Variants in FILIP1L observed in about 807,000 individuals in gnomAD.
FILIP1L encodes filamin A-interacting protein 1-like.
Under a neutral mutation model 96.6 loss-of-function variants are expected in FILIP1L, and 55 were observed. That is an observed-to-expected ratio of 0.57 (90% CI 0.46 to 0.71). The LOEUF (loss-of-function observed/expected upper bound fraction) is 0.71, where lower values mean the gene tolerates loss of function less well. Among genes scored for constraint, FILIP1L ranks in the 30% least tolerant of loss-of-function variants. The probability of loss-of-function intolerance (pLI) is 0.00; values close to 1 mark genes in which losing one functional copy is unlikely to be tolerated. For missense variants in FILIP1L, 1,304 were observed against 1,321.2 expected, an observed-to-expected ratio of 0.99 and a Z score of 0.20; for synonymous variants, 467 against 473.9, an observed-to-expected ratio of 0.99 and a Z score of 0.19.
chr3:99,851,210 G>A (rs1183219142), intron 4 of FILIP1L, 140 bp from the exon 5 acceptor site: 3 of 626,558 alleles, frequency 4.8e-6, no homozygotes, highest in Non-Finnish European at 7.4e-6. Flanking sequence ...AAGAGTTCCT[G>A]AATTTGATGA....
intron 1 of FILIP1L, among the ~76,000 whole-genome samples, chr3:99,963,418 T>C (rs1221554237): frequency 3.3e-5 from 5 of 152,090 alleles, no homozygotes; most frequent in Non-Finnish European, 4.4e-5. Context: ...TGGGCTGTTA[T>C]ATAAGGATAT....
At chr3:100,101,966 C>G (rs915529244) in intron 1 of FILIP1L, among the ~76,000 whole-genome samples, 4 of 152,118 alleles carry the variant, frequency 2.6e-5, no homozygotes, top group African/African-American at 9.7e-5. Flanking sequence ...TTTTTTATGG[C>G]TGCATAGTAT....
rs900334406 is a variant in FILIP1L, at chr3:100,018,091, G to T, written c.-10-87061C>A. The stretch of plus-strand genomic sequence containing the variant: ...CGCCTGTAATCTCAGCACTTTGGGA[G>T]GCCGAGGCGGGCAGATCACCAGGTC... On this transcript the variant is annotated intron_variant, in intron 1 of 5. Coordinates refer to ENST00000477258, the MANE Select transcript of FILIP1L (RefSeq NM_001387850.1). Among the ~76,000 whole-genome samples, 6 of 152,288 alleles carry T rather than the reference G, an allele frequency of 3.9e-5. No individual in the cohort carries two copies. The East Asian group carries it at 1.2e-3, about 29-fold the overall frequency.
intron 5 of FILIP1L, among the ~76,000 whole-genome samples, chr3:99,833,431 G>T (rs1386888438): frequency 6.6e-6 from 1 of 152,186 alleles, no homozygotes; most frequent in Non-Finnish European, 1.5e-5. Flanking sequence ...AAGAAGTATG[G>T]AAAGGTGAAG....
At chr3:100,011,037 G>A (rs79429191) in intron 1 of FILIP1L, among the ~76,000 whole-genome samples, 11 of 152,192 alleles carry the variant, frequency 7.2e-5, no homozygotes, top group African/African-American at 2.4e-4. Context: ...TACAAACCCA[G>A]GATTCTGTGG....
At chr3:99,970,573 T>G (rs1708783266) in intron 1 of FILIP1L, among the ~76,000 whole-genome samples, 1 of 152,246 alleles carries the variant, frequency 6.6e-6, no homozygotes, top group African/African-American at 2.4e-5. Context: ...TATCCCTGCT[T>G]TCCTTGTAGT....
intron 1 of FILIP1L, among the ~76,000 whole-genome samples, chr3:99,953,675 A>T (rs1399184206): frequency 6.6e-6 from 1 of 152,186 alleles, no homozygotes; most frequent in East Asian, 1.9e-4. Flanking sequence ...TATATTTGAA[A>T]CACTGATTAC....
chr3:99,953,105 G>A (rs1246377445), intron 1 of FILIP1L, among the ~76,000 whole-genome samples: 1 of 152,132 alleles, frequency 6.6e-6, no homozygotes, highest in Non-Finnish European at 1.5e-5. Flanking sequence ...TTCATACTTA[G>A]CTGCATACTT....
intron 1 of FILIP1L, among the ~76,000 whole-genome samples, chr3:99,966,747 T>C (rs979892734): frequency 1.3e-5 from 2 of 152,196 alleles, no homozygotes; most frequent in Non-Finnish European, 2.9e-5. Flanking sequence ...GAAAAATCAT[T>C]TGGTGAGCAG....
chr3:99,982,142 T>C (rs1194084003), intron 1 of FILIP1L, among the ~76,000 whole-genome samples: 1 of 152,198 alleles, frequency 6.6e-6, no homozygotes, highest in Non-Finnish European at 1.5e-5. Flanking sequence ...ACTAAAACAA[T>C]ATAAGTGCTA....
At chr3:99,859,672 G>A (rs573108295) in intron 4 of FILIP1L, among the ~76,000 whole-genome samples, 2 of 152,052 alleles carry the variant, frequency 1.3e-5, no homozygotes, top group African/African-American at 4.8e-5. Flanking sequence ...ACTGTGTTGC[G>A]TTGATAGTAG....
chr3:99,971,737 C>T (rs1022144606), intron 1 of FILIP1L, among the ~76,000 whole-genome samples: 1 of 152,154 alleles, frequency 6.6e-6, no homozygotes, highest in Non-Finnish European at 1.5e-5. Flanking sequence ...AGGATACACA[C>T]GGAACCTCAA....
chr3:99,938,098 C>T (rs950339116), intron 1 of FILIP1L, among the ~76,000 whole-genome samples: 4 of 152,106 alleles, frequency 2.6e-5, no homozygotes, highest in African/African-American at 9.7e-5. Flanking sequence ...CGCGTGCATG[C>T]ACACTCGTGC....
At chr3:99,859,783 A>G (rs1046890188) in intron 4 of FILIP1L, among the ~76,000 whole-genome samples, 2 of 150,436 alleles carry the variant, frequency 1.3e-5, no homozygotes, top group African/African-American at 4.9e-5. Flanking sequence ...TTTTGGTATC[A>G]GGCCTATAAT....
intron 1 of FILIP1L, among the ~76,000 whole-genome samples, chr3:99,947,603 G>A (rs946601934): frequency 6.6e-5 from 10 of 152,156 alleles, no homozygotes; most frequent in South Asian, 4.1e-4. Flanking sequence ...ATATCTGTTC[G>A]TTGTTTTAAA....
intron 4 of FILIP1L, among the ~76,000 whole-genome samples, chr3:99,923,561 C>G (rs1037711910): frequency 1.3e-5 from 2 of 152,176 alleles, no homozygotes; most frequent in African/African-American, 4.8e-5. Flanking sequence ...ATAAGTAGTT[C>G]ATGCGCACAC....
rs925775114 is a variant in FILIP1L at position 99,967,916 on chromosome 3, A to G, written c.-10-36886T>C. On this transcript the variant is annotated intron_variant, in intron 1 of 5. Coordinates refer to ENST00000477258, the MANE Select transcript of FILIP1L (RefSeq NM_001387850.1). ...GAGAAGGAGTAGGATTTACAAATAG[A>G]TAAGTGCAACGGTATGTGGGAGTGT... 7.9e-5 allele frequency among the ~76,000 whole-genome samples: 12 copies of G among 152,346 alleles called. 1 individual carries two copies. Among genetic ancestry groups the G allele is most frequent in the Non-Finnish European group, 8.8e-5 (6 of 68,040 alleles).
chr3:99,932,628 A>C (rs1166726761), intron 1 of FILIP1L, among the ~76,000 whole-genome samples: 2 of 152,164 alleles, frequency 1.3e-5, no homozygotes, highest in Non-Finnish European at 2.9e-5. Context: ...AATGGCTCAC[A>C]CCTGTAATGC....
chr3:100,113,248 G>A (rs1334950405), intron 1 of FILIP1L, among the ~76,000 whole-genome samples: 2 of 152,180 alleles, frequency 1.3e-5, no homozygotes, highest in African/African-American at 4.8e-5. Context: ...ATACAAAACT[G>A]TGCAGCCACC....
Sources: gnomAD v4.1 joint callset for allele counts (sites outside exome capture counted in the v4.1 genomes callset) on GRCh38, gnomAD v4.1.1 for gene constraint, MANE v1.5 for transcripts, NCBI Gene and HGNC (gene_info 2026-07-23, HGNC 2026-07-21) for gene names.